Variants in SP140L observed in about 807,000 individuals in gnomAD.
The protein encoded by SP140L is SP140 like nuclear body protein.
SP140L carries 64 observed loss-of-function variants against 84.3 expected under a neutral mutation model. The ratio of observed to expected loss-of-function variants is 0.76; its 90% confidence interval spans 0.62 to 0.94. The LOEUF is 0.94. Ranked by LOEUF, SP140L falls within the 40% of genes least tolerant of loss-of-function variation. The pLI is 0.00. For missense variants in SP140L, 628 were observed against 692.5 expected (o/e 0.91, Z 1.05); for synonymous variants, 242 against 236.9 (o/e 1.02, Z -0.20).
intron 2 of SP140L, among the ~76,000 whole-genome samples, chr2:230,351,367 T>C (rs946324505): frequency 6.6e-5 from 10 of 152,232 alleles, no homozygotes; most frequent in Admixed American, 3.9e-4. Context: ...CATATGTGTA[T>C]TGGACATTTT....
At chr2:230,383,421 G>GA (rs1172472081) in intron 7 of SP140L, 89 bp from the exon 8 acceptor site, 16 of 1,397,202 alleles carry the variant, frequency 1.1e-5, no homozygotes, top group South Asian at 1.4e-5. Context: ...ACCAAAGTAT[G>GA]AAAAAATCTT....
At chr2:230,353,369 T>C (rs2060424771) in intron 2 of SP140L, among the ~76,000 whole-genome samples, 1 of 151,544 alleles carries the variant, frequency 6.6e-6, no homozygotes, top group African/African-American at 2.4e-5. Context: ...TCTCTGTTTT[T>C]AAGTCACAAG....
In SP140L at chr2:230,356,529, A is replaced by G. The variant is rs1466469189; in HGVS notation, c.108-1276A>G. On this transcript the variant is annotated intron_variant, in intron 2 of 18. Coordinates refer to ENST00000415673, the MANE Select transcript of SP140L (RefSeq NM_138402.6). ...TATATGAAATCCAAGAGCAGGCAGT[A>G]TTAACATCTGACAGAATAAATGACA... 6.6e-5 allele frequency among the ~76,000 whole-genome samples: 10 copies of G among 152,358 alleles called. No homozygotes were observed. The East Asian group carries it at 7.7e-4, about 12-fold the overall frequency.
At position 230,341,813 on chromosome 2, in the gene SP140L, G is replaced by T. The variant is rs182226895; in HGVS notation, c.107+12982G>T. ...CCCAGTTAGGCTGTTCGGGGGTCAGGGGTCAGGGACCCACTTGAGGAGGCA... is the reference window on the plus strand; with the variant it reads ...CCCAGTTAGGCTGTTCGGGGGTCAGTGGTCAGGGACCCACTTGAGGAGGCA... On this transcript the variant is annotated intron_variant, in intron 2 of 18. Coordinates refer to ENST00000415673, the MANE Select transcript of SP140L (RefSeq NM_138402.6). Among the ~76,000 whole-genome samples, 188 of 152,204 alleles carry T rather than the reference G, an allele frequency of 1.2e-3. 2 individuals are homozygous for T. Among genetic ancestry groups the T allele is most frequent in the African/African-American group, 4.0e-3 (167 of 41,504 alleles).
At position 230,359,098 on chromosome 2, in the gene SP140L, C is replaced by T. The variant is rs759981551; in HGVS notation, c.405C>T (p.Pro135=). The T allele has an allele frequency of 2.9e-5, 47 of 1,606,146 alleles. No homozygotes were observed. In the South Asian group the frequency reaches 3.4e-4, roughly 11 times the overall value. The change falls in exon 4 of 19, where the codon CCC becomes CCT. Residue 135 remains proline (P), a synonymous_variant. Coordinates refer to ENST00000415673, the MANE Select transcript of SP140L (RefSeq NM_138402.6). ...GCGAGGTCAACATGCAGGAATACCC[C>T]GATTTAATTCACATTTATAAAAGCT... The part of the protein sequence containing the change: ...LFSEVNMQEY[P]DLIHIYKSFK...
chr2:230,347,308 T>G (rs2060237800), intron 2 of SP140L, among the ~76,000 whole-genome samples: 1 of 152,170 alleles, frequency 6.6e-6, no homozygotes. Context: ...TAATCAGGGT[T>G]GCAGGCTGTG....
At chr2:230,369,714 A>G (rs2060993428) in intron 5 of SP140L, among the ~76,000 whole-genome samples, 1 of 152,160 alleles carries the variant, frequency 6.6e-6, no homozygotes, top group Non-Finnish European at 1.5e-5. Context: ...TAAGTAATCA[A>G]TGGCCAATTA....
intron 8 of SP140L, 88 bp from the exon 9 acceptor site, chr2:230,385,136 C>T (rs2061531440): frequency 1.5e-6 from 2 of 1,333,932 alleles, no homozygotes; most frequent in Non-Finnish European, 2.1e-6. Flanking sequence ...AGAGTGAAAC[C>T]CAGGACTCCC....
intron 7 of SP140L, chr2:230,372,860 A>G (rs1045941461): frequency 2.6e-5 from 4 of 152,334 alleles, no homozygotes; most frequent in Non-Finnish European, 5.9e-5. Context: ...GCAGAAAATA[A>G]TTGGCCAAGT....
At chr2:230,353,162 T>G (rs2060416556) in intron 2 of SP140L, among the ~76,000 whole-genome samples, 2 of 152,090 alleles carry the variant, frequency 1.3e-5, no homozygotes, top group African/African-American at 4.8e-5. Context: ...TGCCATTACC[T>G]TTCTCTTTCT....
At position 230,372,542 on chromosome 2, in the gene SP140L, G is replaced by C. The variant is rs536950449; in HGVS notation, c.637+891G>C. On this transcript the variant is annotated intron_variant, in intron 7 of 18. Transcript: ENST00000415673. Reference sequence around the variant, plus strand: ...AGATCGAGACCATCTTGGCTAACACGGTGAAACCCCGTTTCTACTAAAAAT... The same window carrying C: ...AGATCGAGACCATCTTGGCTAACACCGTGAAACCCCGTTTCTACTAAAAAT... The C allele has an allele frequency of 2.0e-5, 3 of 151,832 alleles. No individual in the cohort carries two copies. In the East Asian group the frequency reaches 5.8e-4, roughly 29 times the overall value. 9.4% of individuals were successfully genotyped at this position (151,832 alleles called of 1,614,324 possible).
Position 230,402,981 on chromosome 2 carries a change from C to G in SP140L, c.*85C>G, listed in dbSNP as rs1411598197. On this transcript the variant is annotated 3_prime_UTR_variant, in exon 19 of 19. Coordinates refer to ENST00000415673, the MANE Select transcript of SP140L (RefSeq NM_138402.6). ...AACTGAGAGCACTTGGGAAATAGCA[C>G]ATGCAGGGAGAGGCTTTTCTCTGAG... 9.2e-7 allele frequency: 1 copy of G among 1,091,292 alleles called. No individual in the cohort carries two copies. Among genetic ancestry groups the G allele is most frequent in the Non-Finnish European group, 1.3e-6 (1 of 746,644 alleles). The allele number at this position is 1,091,292 out of a possible 1,614,324, so 67.6% of individuals were successfully genotyped here.
At chr2:230,386,111 A>G (rs2061570181) in intron 9 of SP140L, among the ~76,000 whole-genome samples, 1 of 152,216 alleles carries the variant, frequency 6.6e-6, no homozygotes, top group African/African-American at 2.4e-5. Flanking sequence ...TTTGAAAGAA[A>G]TAGAGCTTTT....
chr2:230,391,934 T>C, intron 11 of SP140L, 153 bp from the exon 12 acceptor site: 1 of 1,016,752 alleles, frequency 9.8e-7, no homozygotes, highest in Non-Finnish European at 1.4e-6. Context: ...CAGGCTGGAT[T>C]TGGGGCCTCT....
intron 2 of SP140L, among the ~76,000 whole-genome samples, chr2:230,339,974 T>A (rs1455040393): frequency 6.6e-6 from 1 of 150,868 alleles, no homozygotes; most frequent in Non-Finnish European, 1.5e-5. Context: ...TCTGTTGATT[T>A]GGGGTGGAGA....
intron 9 of SP140L, among the ~76,000 whole-genome samples, chr2:230,387,115 TG>T (rs1421029782): frequency 1.3e-5 from 2 of 152,146 alleles, no homozygotes; most frequent in African/African-American, 4.8e-5. Context: ...TTCTATTGCC[TG>T]GAAACCTCAT....
intron 2 of SP140L, among the ~76,000 whole-genome samples, chr2:230,341,746 C>T (rs1021977325): frequency 3.9e-5 from 6 of 152,056 alleles, no homozygotes; most frequent in East Asian, 1.9e-4. Flanking sequence ...TTGGAGTAAC[C>T]GGCCATGTGA....
At chr2:230,354,260 C>G (rs1001501253) in intron 2 of SP140L, among the ~76,000 whole-genome samples, 1 of 152,012 alleles carries the variant, frequency 6.6e-6, no homozygotes. Context: ...CAATGTGATT[C>G]ACCAATTAAA....
At chr2:230,337,909 A>G (rs1410244235) in intron 2 of SP140L, among the ~76,000 whole-genome samples, 1 of 151,760 alleles carries the variant, frequency 6.6e-6, no homozygotes, top group Non-Finnish European at 1.5e-5. Context: ...CCTGTAGTAT[A>G]GTTTGAAGTC....
Sources: allele counts gnomAD v4.1 joint callset (sites outside exome capture counted in the v4.1 genomes callset), GRCh38; gene constraint gnomAD v4.1.1; transcripts MANE v1.5; gene names NCBI Gene and HGNC (gene_info 2026-07-23, HGNC 2026-07-21).